ADGRD1: variants seen among roughly 807,000 people sequenced by gnomAD.
ADGRD1 encodes adhesion G protein-coupled receptor D1, also known as G-protein coupled receptor 133.
Under a neutral mutation model 113.4 loss-of-function variants are expected in ADGRD1, and 77 were observed. That is an observed-to-expected ratio of 0.68 (90% CI 0.57 to 0.82). The LOEUF (loss-of-function observed/expected upper bound fraction) is 0.82. Ranked by LOEUF, ADGRD1 falls within the 40% of genes least tolerant of loss-of-function variation. The pLI is 0.00. For missense variants in ADGRD1, 1,036 were observed against 1,139.1 expected (o/e 0.91, Z 1.30); for synonymous variants, 474 against 475.0 (o/e 1.00, Z 0.03).
intron 12 of ADGRD1, among the ~76,000 whole-genome samples, chr12:131,009,772 T>C (rs1038164794): frequency 7.9e-5 from 12 of 152,192 alleles, no homozygotes; most frequent in African/African-American, 2.7e-4. Flanking sequence ...TGTGCATTTG[T>C]GTGTTGTATG....
At chr12:131,008,764 T>C (rs1593348202) in intron 12 of ADGRD1, among the ~76,000 whole-genome samples, 1 of 152,296 alleles carries the variant, frequency 6.6e-6, no homozygotes, top group East Asian at 1.9e-4. Flanking sequence ...TTCCTCCAGG[T>C]GGACGGGGCT....
At chr12:130,956,104 A>G (rs1869547188) in intron 2 of ADGRD1, among the ~76,000 whole-genome samples, 1 of 152,204 alleles carries the variant, frequency 6.6e-6, no homozygotes, top group Non-Finnish European at 1.5e-5. Context: ...CCAGCCTTTA[A>G]TGATCAACCA....
At position 131,129,488 on chromosome 12, in the gene ADGRD1, C is replaced by G. The variant is rs1218124387; in HGVS notation, c.2176-2237C>G. Among the ~76,000 whole-genome samples the G allele has an allele frequency of 5.9e-5, 9 of 151,598 alleles. 1 individual carries two copies. The highest frequency in any genetic ancestry group is 1.9e-4 in the African/African-American group (8 of 41,194). On this transcript the variant is annotated intron_variant, in intron 20 of 24. Coordinates refer to ENST00000261654, the MANE Select transcript of ADGRD1 (RefSeq NM_198827.5). ...GTCTGGGTGTGAGTGACAGCCCCGCCCTGCTGTCTGGGTGTGAGTGACAGC... is the reference window on the plus strand; with the variant it reads ...GTCTGGGTGTGAGTGACAGCCCCGCGCTGCTGTCTGGGTGTGAGTGACAGC...
At chr12:131,016,986 G>A (rs1013956807) in intron 13 of ADGRD1, among the ~76,000 whole-genome samples, 7 of 152,098 alleles carry the variant, frequency 4.6e-5, no homozygotes, top group African/African-American at 1.7e-4. Context: ...TTGTGAGTGA[G>A]GTGGGCACTG....
intron 13 of ADGRD1, among the ~76,000 whole-genome samples, chr12:131,033,053 G>A (rs971290666): frequency 9.2e-5 from 14 of 152,176 alleles, no homozygotes; most frequent in African/African-American, 1.4e-4. Flanking sequence ...CTCTCCTCCC[G>A]AGCTAAATGG....
At position 131,086,166 on chromosome 12, in the gene ADGRD1, G is replaced by A. The variant is rs767048481; in HGVS notation, c.1671+1503G>A. Among the ~76,000 whole-genome samples, 173 of 152,288 alleles carry A rather than the reference G, an allele frequency of 1.1e-3. 1 individual carries two copies. Among genetic ancestry groups the A allele is most frequent in the Admixed American group, 7.1e-3 (108 of 15,304 alleles). On this transcript the variant is annotated intron_variant, in intron 15 of 24. Coordinates refer to ENST00000261654, the MANE Select transcript of ADGRD1 (RefSeq NM_198827.5). ...AATCTACCTGAATCCACCAGCGTCC[G>A]CAGTGTCTGCACTGGGCCAGAGGGT...
At chr12:130,960,149 C>A (rs1020130117) in intron 2 of ADGRD1, among the ~76,000 whole-genome samples, 2 of 152,190 alleles carry the variant, frequency 1.3e-5, no homozygotes, top group East Asian at 1.9e-4. Context: ...TATAAGCATG[C>A]CATTTTATAC....
intron 18 of ADGRD1, among the ~76,000 whole-genome samples, chr12:131,115,529 C>T (rs1380408459): frequency 1.3e-5 from 2 of 149,742 alleles, no homozygotes; most frequent in Non-Finnish European, 3.0e-5. Flanking sequence ...CCCAGGCCTT[C>T]GCTTCACCCA....
At position 131,019,412 on chromosome 12, in the gene ADGRD1, C is replaced by T. The variant is rs138510498; in HGVS notation, c.1473+5072C>T. Among the ~76,000 whole-genome samples the T allele has an allele frequency of 5.8e-4, 88 of 152,328 alleles. No individual in the cohort carries two copies. The East Asian group carries it at 7.7e-3, about 13-fold the overall frequency. On this transcript the variant is annotated intron_variant, in intron 13 of 24. Coordinates refer to ENST00000261654, the MANE Select transcript of ADGRD1 (RefSeq NM_198827.5). ...CGCCAGGGGTTTTCGACACGACGAT[C>T]GGTCAGAATCTGCAGTGTTCTCTTC...
intron 12 of ADGRD1, 37 bp downstream of exon 12, chr12:131,006,084 G>C: frequency 6.3e-7 from 1 of 1,578,044 alleles, no homozygotes; most frequent in East Asian, 2.2e-5. Context: ...GGGCGTGGGT[G>C]TGCGTGGGTT....
rs745406683 is a variant in ADGRD1, at chr12:131,084,553, G to A, written c.1561G>A (p.Val521Ile). ...AFLDFSSGEGVWSNHGCALTR... is the reference protein window; with the variant it reads ...AFLDFSSGEGIWSNHGCALTR... The stretch of plus-strand genomic sequence containing the variant: ...CTGTGTCCTCAGCTCCGGAGAAGGG[G>A]TCTGGTCGAACCACGGCTGTGCGCT... The change falls in exon 15 of 25, where the codon GTC (valine) becomes ATC (isoleucine). Residue 521 changes from valine to isoleucine, a missense_variant. Coordinates refer to ENST00000261654, the MANE Select transcript of ADGRD1 (RefSeq NM_198827.5). The surrounding 1 kb of genome is among the most constrained non-coding windows in gnomAD (Gnocchi z 4.5). The A allele has an allele frequency of 3.1e-6, 5 of 1,614,166 alleles. No individual in the cohort carries two copies. Among genetic ancestry groups the A allele is most frequent in the Non-Finnish European group, 4.2e-6 (5 of 1,180,036 alleles).
chr12:131,101,753 C>T (rs568637299), intron 15 of ADGRD1, among the ~76,000 whole-genome samples: 1 of 152,308 alleles, frequency 6.6e-6, no homozygotes, highest in East Asian at 1.9e-4. Flanking sequence ...AAGAACCATT[C>T]CCTCTGCTGA....
intron 8 of ADGRD1, chr12:130,994,182 AAGAGCGGGT>A (rs1198970856): frequency 2.7e-5 from 11 of 401,916 alleles, no homozygotes; most frequent in African/African-American, 2.0e-4. Context: ...GTTGGGTGGA[AAGAGCGGGT>A]ATAGACAAGC....
At chr12:131,043,653 G>A (rs985368584) in intron 13 of ADGRD1, among the ~76,000 whole-genome samples, 3 of 152,236 alleles carry the variant, frequency 2.0e-5, no homozygotes, top group Admixed American at 6.5e-5. Context: ...GCCAAAGCTC[G>A]GGTCCCGGGA....
chr12:130,966,618 G>T lies in ADGRD1; in HGVS notation c.187+72G>T. 1.1e-6 allele frequency: 1 copy of T among 946,268 alleles called. No homozygotes were observed. The highest frequency in any genetic ancestry group is 1.7e-6 in the Non-Finnish European group (1 of 572,652). 58.6% of individuals were successfully genotyped at this position (946,268 alleles called of 1,614,324 possible). ...GGCCATCAGGAGGCGTGGGTGCTGAGAGTGGCTGGCCTTGAAATCCCAGGG... is the reference window on the plus strand; with the variant it reads ...GGCCATCAGGAGGCGTGGGTGCTGATAGTGGCTGGCCTTGAAATCCCAGGG... On this transcript the variant is annotated intron_variant, in intron 3 of 24. Coordinates refer to ENST00000261654, the MANE Select transcript of ADGRD1 (RefSeq NM_198827.5). The surrounding 1 kb of genome is among the most constrained non-coding windows in gnomAD (Gnocchi z 4.6).
In ADGRD1 at chr12:131,122,506, T is replaced by C. The variant is rs368074280; in HGVS notation, c.2175+1593T>C. 8.7e-3 allele frequency among the ~76,000 whole-genome samples: 1,322 copies of C among 152,104 alleles called. 11 individuals are homozygous for C. The highest frequency in any genetic ancestry group is 0.029 in the African/African-American group (1,196 of 41,386). On this transcript the variant is annotated intron_variant, in intron 20 of 24. Coordinates refer to ENST00000261654, the MANE Select transcript of ADGRD1 (RefSeq NM_198827.5). ...GCTTCAGGGAGAGGTCCCCGCGCTCTCTGGGGGTCTGGGAGGACCATTCAT... is the reference window on the plus strand; with the variant it reads ...GCTTCAGGGAGAGGTCCCCGCGCTCCCTGGGGGTCTGGGAGGACCATTCAT...
intron 20 of ADGRD1, among the ~76,000 whole-genome samples, chr12:131,125,012 G>C (rs887642946): frequency 6.6e-6 from 1 of 152,150 alleles, no homozygotes; most frequent in African/African-American, 2.4e-5. Flanking sequence ...TCTCTCCTTA[G>C]CTTGTAGATA....
chr12:131,024,039 A>G (rs1300258486), intron 13 of ADGRD1: 1 of 152,278 alleles, frequency 6.6e-6, no homozygotes, highest in Non-Finnish European at 1.5e-5. Context: ...TGTCGACCAC[A>G]GATGAAGACA....
intron 20 of ADGRD1, among the ~76,000 whole-genome samples, chr12:131,124,634 C>T (rs193119271): frequency 2.0e-5 from 3 of 152,178 alleles, no homozygotes; most frequent in Admixed American, 1.3e-4. Flanking sequence ...TAACACCCCC[C>T]ACCAGGCGTC....
Sources: allele counts gnomAD v4.1 joint callset (sites outside exome capture counted in the v4.1 genomes callset), GRCh38; gene constraint gnomAD v4.1.1; non-coding constraint Gnocchi (gnomAD v3.1); transcripts MANE v1.5; gene names NCBI Gene and HGNC (gene_info 2026-07-23, HGNC 2026-07-21).